TSHR: variants seen among roughly 807,000 people sequenced by gnomAD.
The protein encoded by TSHR is thyroid stimulating hormone receptor, also known as thyrotropin receptor.
Under a neutral mutation model 64.1 loss-of-function variants are expected in TSHR, and 51 were observed. The ratio of observed to expected loss-of-function variants is 0.80; its 90% CI spans 0.64 to 1.01. The LOEUF (loss-of-function observed/expected upper bound fraction) is 1.01, where lower values mean the gene tolerates loss of function less well. Ranked by LOEUF, TSHR falls within the 50% of genes least tolerant of loss-of-function variation. The probability of loss-of-function intolerance (pLI) is 0.00; values close to 1 mark genes in which losing one functional copy is unlikely to be tolerated. For synonymous variants in TSHR, 361 were observed against 361.9 expected (o/e 1.00, Z 0.03); for missense variants, 877 against 942.8 (o/e 0.93, Z 0.91).
intron 3 of TSHR, among the ~76,000 whole-genome samples, chr14:81,085,655 C>T (rs138300569): frequency 5.6e-4 from 86 of 152,270 alleles, no homozygotes; most frequent in African/African-American, 1.9e-3. Flanking sequence ...CATTTTCTTT[C>T]ACTCTGACGT....
intron 1 of TSHR, among the ~76,000 whole-genome samples, chr14:81,017,436 CA>C (rs1016647157): frequency 6.6e-6 from 1 of 152,082 alleles, no homozygotes; most frequent in African/African-American, 2.4e-5. Context: ...GGAGAGAGTG[CA>C]CAAAGAAAAA....
At chr14:81,120,645 T>A (rs1011536342) in intron 8 of TSHR, among the ~76,000 whole-genome samples, 17 of 152,312 alleles carry the variant, frequency 1.1e-4, no homozygotes, top group African/African-American at 3.6e-4. Flanking sequence ...CTCTTCTTTC[T>A]TTAGGATTTG....
intron 1 of TSHR, among the ~76,000 whole-genome samples, chr14:81,057,657 G>C (rs143639689): frequency 1.4e-4 from 21 of 152,270 alleles, no homozygotes; most frequent in African/African-American, 4.3e-4. Flanking sequence ...CTGATTGATT[G>C]ACACAGGTGG....
intron 1 of TSHR, among the ~76,000 whole-genome samples, chr14:81,028,114 T>C (rs1300799280): frequency 1.3e-5 from 2 of 152,198 alleles, no homozygotes; most frequent in Non-Finnish European, 2.9e-5. Flanking sequence ...CATAAAGTTA[T>C]ATCTTACAAA....
At chr14:80,957,206 T>C (rs2139674785) in intron 1 of TSHR, among the ~76,000 whole-genome samples, 1 of 152,212 alleles carries the variant, frequency 6.6e-6, no homozygotes, top group Non-Finnish European at 1.5e-5. Flanking sequence ...TAATGCCTAC[T>C]CCCAGATCCA....
intron 1 of TSHR, among the ~76,000 whole-genome samples, chr14:80,964,963 C>T (rs1456558971): frequency 1.3e-5 from 2 of 152,048 alleles, no homozygotes; most frequent in Non-Finnish European, 2.9e-5. Context: ...TGAGAATGAA[C>T]AAAGGAATGA....
Position 81,143,174 on chromosome 14 carries a change from C to T in TSHR, c.1116C>T (p.Asn372=). ...TTGGTTTTGGCCAGGAGCTCAAAAA[C>T]CCCCAGGAAGAGACTCTACAAGCTT... ...EIIGFGQELK[N]PQEETLQAFD... is the part of the protein sequence containing the mutation. Residue 372 remains asparagine (N), a synonymous_variant, in exon 10 of 10, where the codon AAC becomes AAT. Transcript: ENST00000298171. The T allele has an allele frequency of 6.2e-7, 1 of 1,614,108 alleles. No individual in the cohort carries two copies. Among genetic ancestry groups the T allele is most frequent in the Non-Finnish European group, 8.5e-7 (1 of 1,180,010 alleles).
chr14:80,978,911 A>G (rs1304828353), intron 1 of TSHR, among the ~76,000 whole-genome samples: 1 of 152,158 alleles, frequency 6.6e-6, no homozygotes, highest in Non-Finnish European at 1.5e-5. Context: ...GCCTACTCCC[A>G]TTCATACATC....
At chr14:81,064,642 A>G (rs1318981458) in intron 2 of TSHR, among the ~76,000 whole-genome samples, 1 of 152,200 alleles carries the variant, frequency 6.6e-6, no homozygotes, top group African/African-American at 2.4e-5. Flanking sequence ...ACAATAAATA[A>G]GTAAATTAGA....
chr14:80,996,408 G>A (rs1028474616), intron 1 of TSHR, among the ~76,000 whole-genome samples: 1 of 151,762 alleles, frequency 6.6e-6, no homozygotes, highest in Non-Finnish European at 1.5e-5. Context: ...TAAAACTTTC[G>A]TCTATGATCT....
intron 1 of TSHR, chr14:81,012,624 A>T (rs1889975666): frequency 6.6e-6 from 1 of 152,056 alleles, no homozygotes; most frequent in African/African-American, 2.4e-5. Context: ...CTTTTTAATG[A>T]TTGCCATTCT....
chr14:81,115,373 C>T (rs1211160767), intron 8 of TSHR, among the ~76,000 whole-genome samples: 1 of 146,808 alleles, frequency 6.8e-6, no homozygotes, highest in Non-Finnish European at 1.5e-5. Flanking sequence ...TCGAGAACTA[C>T]ATGAAGAATG....
chr14:81,062,013 T>C (rs2139893002), intron 1 of TSHR, 135 bp from the exon 2 acceptor site: 2 of 722,678 alleles, frequency 2.8e-6, no homozygotes, highest in Non-Finnish European at 4.6e-6. Context: ...TTGAGTATTA[T>C]TTTTGTTGAT....
rs112612969 is a variant in TSHR, at chr14:81,043,769, G to T, written c.171-18379G>T. On this transcript the variant is annotated intron_variant, in intron 1 of 9. Coordinates refer to ENST00000298171, the MANE Select transcript of TSHR (RefSeq NM_000369.5). ...CCAATGGAACAGAAAAAAAGAACTC[G>T]GAAACAAGTCCACACACTTACAAAC... 1.0e-2 allele frequency among the ~76,000 whole-genome samples: 1,518 copies of T among 152,032 alleles called. 19 individuals are homozygous for T. The highest frequency in any genetic ancestry group is 0.027 in the Middle Eastern group (8 of 292).
chr14:81,104,235 C>T (rs1045768746), intron 7 of TSHR: 29 of 985,310 alleles, frequency 2.9e-5, no homozygotes, highest in Non-Finnish European at 3.4e-5. Context: ...TCTCTTTAAA[C>T]TAACATGAGA....
intron 8 of TSHR, among the ~76,000 whole-genome samples, chr14:81,127,566 T>G (rs1891068230): frequency 6.6e-6 from 1 of 152,058 alleles, no homozygotes; most frequent in Non-Finnish European, 1.5e-5. Context: ...TCATCTTGAA[T>G]TTTTGCTCCC....
intron 1 of TSHR, chr14:81,012,694 A>T (rs1889981052): frequency 1.3e-5 from 2 of 152,096 alleles, no homozygotes; most frequent in Admixed American, 1.3e-4. Flanking sequence ...GTGGCCAGTG[A>T]TGGTGAGCAT....
chr14:80,981,362 TG>T (rs1218549655), intron 1 of TSHR, among the ~76,000 whole-genome samples: 5 of 152,148 alleles, frequency 3.3e-5, no homozygotes, highest in African/African-American at 1.2e-4. Context: ...TTTGATGCAG[TG>T]GCGTCAGGAG....
intron 2 of TSHR, among the ~76,000 whole-genome samples, chr14:81,068,021 T>A (rs1886780351): frequency 6.8e-6 from 1 of 146,242 alleles, no homozygotes. Flanking sequence ...GAAGTGACAG[T>A]TAAATGATAA....
Sources: allele counts gnomAD v4.1 joint callset (sites outside exome capture counted in the v4.1 genomes callset), GRCh38; gene constraint gnomAD v4.1.1; transcripts MANE v1.5; gene names NCBI Gene and HGNC (gene_info 2026-07-23, HGNC 2026-07-21).